Variants in CD82 observed in about 807,000 individuals in gnomAD.
CD82 encodes CD82 antigen.
Under a neutral mutation model 37.4 loss-of-function variants are expected in CD82, and 36 were observed. The ratio of observed to expected loss-of-function variants is 0.96; its 90% confidence interval spans 0.74 to 1.27. The LOEUF (loss-of-function observed/expected upper bound fraction) is 1.27. Ranked by LOEUF, CD82 falls within the 50% of genes most tolerant of loss-of-function variation. The pLI is 0.00. For missense variants in CD82, 340 were observed against 347.0 expected, an observed-to-expected ratio of 0.98 and a Z score of 0.16; for synonymous variants, 158 against 137.4, an observed-to-expected ratio of 1.15 and a Z score of -1.05.
At chr11:44,601,780 G>A (rs115174319) in intron 4 of CD82, among the ~76,000 whole-genome samples, 2,176 of 152,300 alleles carry the variant, frequency 0.014, 47 homozygotes, top group African/African-American at 0.049. Context: ...GACCTGACTC[G>A]GTTGGTGTGG....
intron 6 of CD82, among the ~76,000 whole-genome samples, chr11:44,614,351 C>T (rs555317830): frequency 2.6e-5 from 4 of 152,248 alleles, no homozygotes. Flanking sequence ...CTCCTTCTCC[C>T]TGAAGCTGCC....
At chr11:44,605,734 T>G (rs1853385304) in intron 6 of CD82, among the ~76,000 whole-genome samples, 1 of 152,182 alleles carries the variant, frequency 6.6e-6, no homozygotes, top group Non-Finnish European at 1.5e-5. Flanking sequence ...ATGGAAACAA[T>G]AAGAAAACTG....
Position 44,605,174 on chromosome 11 carries a change from C to G in CD82, c.253C>G (p.Leu85Val), listed in dbSNP as rs1035508117. 8.1e-6 allele frequency: 13 copies of G among 1,613,852 alleles called. No homozygotes were observed. In the African/African-American group the frequency reaches 1.7e-4, roughly 22 times the overall value. ...CGCCGTCAACGAGGTCCGCTGCCTG[C>G]TGGGGCTGGTGAGTACGGATCCCTC... is the stretch of plus-strand genomic sequence containing the variant. ...IGAVNEVRCL[L>V]GLYFAFLLLI... Residue 85 changes from leucine (L) to valine (V), a missense_variant, in exon 5 of 10, where the codon CTG (leucine) becomes GTG (valine). Leu to Val is a conservative substitution (Grantham distance 32). Coordinates refer to ENST00000227155, the MANE Select transcript of CD82 (RefSeq NM_002231.4).
intron 7 of CD82, 118 bp downstream of exon 7, chr11:44,615,491 G>T: frequency 1.5e-6 from 1 of 678,284 alleles, no homozygotes; most frequent in South Asian, 1.7e-5. Flanking sequence ...CTGACAGTTT[G>T]TAGGAGAGTG....
intron 8 of CD82, 67 bp downstream of exon 8, chr11:44,618,432 C>A: frequency 1.4e-6 from 2 of 1,380,840 alleles, no homozygotes; most frequent in African/African-American, 1.4e-5. Flanking sequence ...GGCTACTGCT[C>A]AGCAATTCCT....
At chr11:44,618,504 T>A in intron 8 of CD82, 136 bp from the exon 9 acceptor site, 1 of 1,050,808 alleles carries the variant, frequency 9.5e-7, no homozygotes, top group Non-Finnish European at 1.4e-6. Context: ...ACTTCTTTGT[T>A]AATGTATTTA....
upstream of CD82, among the ~76,000 whole-genome samples, chr11:44,565,330 C>G (rs1466740411): frequency 6.6e-6 from 1 of 152,092 alleles, no homozygotes; most frequent in Non-Finnish European, 1.5e-5. Flanking sequence ...TAGGCGGGAG[C>G]TGGGCGGGAC....
At chr11:44,615,056 G>A (rs1458668027) in intron 6 of CD82, among the ~76,000 whole-genome samples, 1 of 152,170 alleles carries the variant, frequency 6.6e-6, no homozygotes, top group Non-Finnish European at 1.5e-5. Context: ...ATGTTTACAG[G>A]GCCAGGCTGC....
chr11:44,583,816 G>A (rs1448312851), intron 1 of CD82, among the ~76,000 whole-genome samples: 1 of 152,158 alleles, frequency 6.6e-6, no homozygotes, highest in Non-Finnish European at 1.5e-5. Flanking sequence ...GTGGGTAATG[G>A]CATAATATTC....
At chr11:44,594,289 T>C (rs1853188390) in intron 2 of CD82, among the ~76,000 whole-genome samples, 1 of 152,070 alleles carries the variant, frequency 6.6e-6, no homozygotes, top group Non-Finnish European at 1.5e-5. Flanking sequence ...ATCACTAACT[T>C]CCCGGCCCCC....
chr11:44,587,770 A>G (rs1853078367), intron 2 of CD82: 2 of 374,578 alleles, frequency 5.3e-6, no homozygotes, highest in African/African-American at 4.2e-5. Flanking sequence ...TGGCATTCAG[A>G]GCTGGCCCAG....
chr11:44,581,655 T>G (rs1412839754), intron 1 of CD82, among the ~76,000 whole-genome samples: 2 of 151,862 alleles, frequency 1.3e-5, no homozygotes, highest in African/African-American at 4.8e-5. Context: ...CAACCTGGAG[T>G]GGGGATTCGG....
chr11:44,574,460 C>A (rs1852859980), intron 1 of CD82, among the ~76,000 whole-genome samples: 3 of 152,130 alleles, frequency 2.0e-5, no homozygotes, highest in African/African-American at 7.2e-5. Flanking sequence ...AATGTGGAAA[C>A]ACCCTGGTGG....
At chr11:44,587,636 T>C (rs1349187340) in intron 2 of CD82, 80 bp downstream of exon 2, 8 of 454,388 alleles carry the variant, frequency 1.8e-5, no homozygotes, top group Non-Finnish European at 3.5e-5. Flanking sequence ...AGACCGAGCA[T>C]GGCCCTCAGG....
chr11:44,570,355 C>T (rs947539338), intron 1 of CD82, among the ~76,000 whole-genome samples: 1 of 152,268 alleles, frequency 6.6e-6, no homozygotes, highest in Non-Finnish European at 1.5e-5. Flanking sequence ...GTACCCTCCT[C>T]TTTGATCCTG....
intron 1 of CD82, among the ~76,000 whole-genome samples, chr11:44,586,416 T>C (rs956148052): frequency 1.3e-5 from 2 of 152,192 alleles, no homozygotes; most frequent in Admixed American, 1.3e-4. Flanking sequence ...TGTCAGCTTT[T>C]CTGACCCAAA....
intron 7 of CD82, among the ~76,000 whole-genome samples, chr11:44,615,609 G>A (rs1324291265): frequency 6.6e-6 from 1 of 152,220 alleles, no homozygotes; most frequent in African/African-American, 2.4e-5. Context: ...TGTGGCCAGA[G>A]AGCATGGGGG....
intron 1 of CD82, among the ~76,000 whole-genome samples, chr11:44,571,543 A>G (rs35767567): frequency 0.087 from 13,189 of 152,198 alleles, 715 homozygotes; most frequent in Middle Eastern, 0.14. Context: ...AGTGCTATAT[A>G]TGTTCCTGCT....
Position 44,594,629 on chromosome 11 carries a change from C to T in CD82, c.-20-14C>T, listed in dbSNP as rs543282144. The stretch of plus-strand genomic sequence containing the variant: ...CTGATCCCCTCACTGGCCTGCCTGC[C>T]TTCTCTCTTCCAGGAAGCTCCAGGA... On this transcript the variant is annotated splice_polypyrimidine_tract_variant and intron_variant, in intron 2 of 9. Transcript: ENST00000227155. 1 of 1,581,998 alleles carries T rather than the reference C, an allele frequency of 6.3e-7. No homozygotes were observed. Among genetic ancestry groups the T allele is most frequent in the South Asian group, 1.1e-5 (1 of 90,486 alleles).
Sources: gnomAD v4.1 joint callset for allele counts (sites outside exome capture counted in the v4.1 genomes callset) on GRCh38, gnomAD v4.1.1 for gene constraint, MANE v1.5 for transcripts, NCBI Gene and HGNC (gene_info 2026-07-23, HGNC 2026-07-21) for gene names.